Variants in QTMAN observed in about 807,000 individuals in gnomAD.
QTMAN encodes queuosine-tRNA mannosyltransferase, also known as tRNA-queuosine alpha-mannosyltransferase.
chr2:144,121,989 C>T, the QTMAN span, among the ~76,000 whole-genome samples: 9 of 152,018 alleles, frequency 5.9e-5, no homozygotes, highest in African/African-American at 2.2e-4. Flanking sequence ...AAATTATTCC[C>T]TAAAAATATG....
the QTMAN span, among the ~76,000 whole-genome samples, chr2:144,269,529 G>C: frequency 6.6e-6 from 1 of 151,670 alleles, no homozygotes; most frequent in Admixed American, 6.6e-5. Flanking sequence ...ATATCATTTG[G>C]GTCAAGTTTT....
chr2:143,971,298 A>C, the QTMAN span, among the ~76,000 whole-genome samples: 1 of 152,034 alleles, frequency 6.6e-6, no homozygotes, highest in Non-Finnish European at 1.5e-5. Flanking sequence ...CCTCTCACTA[A>C]TCTCTCATTT....
the QTMAN span, among the ~76,000 whole-genome samples, chr2:143,986,098 T>C: frequency 4.6e-5 from 7 of 152,350 alleles, no homozygotes; most frequent in African/African-American, 1.7e-4. Flanking sequence ...TCCTCTTTAC[T>C]TGAGTATCAA....
chr2:144,091,981 T>C, the QTMAN span, among the ~76,000 whole-genome samples: 1 of 152,122 alleles, frequency 6.6e-6, no homozygotes, highest in Non-Finnish European at 1.5e-5. Flanking sequence ...TAAAAAAAAC[T>C]AACTGATAGT....
the QTMAN span, among the ~76,000 whole-genome samples, chr2:143,971,264 G>T: frequency 9.1e-4 from 139 of 152,012 alleles, 1 homozygote; most frequent in Middle Eastern, 0.014. Context: ...CACAAGGAAC[G>T]CACAATTTAG....
the QTMAN span, among the ~76,000 whole-genome samples, chr2:144,308,162 GTTTTTT>G: frequency 3.6e-5 from 4 of 110,836 alleles, no homozygotes; most frequent in South Asian, 3.0e-4. Context: ...ATGATTGGTT[GTTTTTT>G]TTTTTTTTTT....
the QTMAN span, among the ~76,000 whole-genome samples, chr2:143,995,273 T>G: frequency 6.6e-6 from 1 of 152,192 alleles, no homozygotes; most frequent in Admixed American, 6.5e-5. Context: ...TTGGGTAGGC[T>G]GAAAATGAAG....
chr2:144,278,803 T>G, the QTMAN span, among the ~76,000 whole-genome samples: 1 of 152,152 alleles, frequency 6.6e-6, no homozygotes, highest in East Asian at 1.9e-4. Context: ...TAATATAGTA[T>G]GCCCTGTAGA....
the QTMAN span, among the ~76,000 whole-genome samples, chr2:144,115,232 A>AAAC: frequency 0.011 from 1,659 of 151,122 alleles, 27 homozygotes; most frequent in East Asian, 0.073. Context: ...CCCTGTCTAA[A>AAAC]AACAACAACA....
the QTMAN span, chr2:143,952,139 A>G: frequency 4.5e-6 from 4 of 895,790 alleles, no homozygotes; most frequent in African/African-American, 3.3e-5. Flanking sequence ...GATATTAGTC[A>G]CTTTACTAAT....
chr2:143,995,109 C>T, the QTMAN span, among the ~76,000 whole-genome samples: 1 of 152,014 alleles, frequency 6.6e-6, no homozygotes, highest in African/African-American at 2.4e-5. Context: ...AAAAAAATTC[C>T]ATCCAGGTTT....
At chr2:144,218,349 C>T in the QTMAN span, among the ~76,000 whole-genome samples, 1 of 152,126 alleles carries the variant, frequency 6.6e-6, no homozygotes, top group African/African-American at 2.4e-5. Flanking sequence ...AGCATCTTCC[C>T]CAACCTGACT....
chr2:144,317,435 G>GGA, the QTMAN span: 1 of 66,054 alleles, frequency 1.5e-5, no homozygotes, highest in Non-Finnish European at 3.5e-5. Context: ...GGAAGGAAGG[G>GGA]ACAATAAAAT....
the QTMAN span, among the ~76,000 whole-genome samples, chr2:144,159,195 TAA>T: frequency 6.6e-6 from 1 of 152,090 alleles, no homozygotes; most frequent in Non-Finnish European, 1.5e-5. Flanking sequence ...ACTTGTTCTA[TAA>T]AATTTTAGTT....
At chr2:144,169,718 T>A in the QTMAN span, among the ~76,000 whole-genome samples, 99 of 152,220 alleles carry the variant, frequency 6.5e-4, no homozygotes, top group African/African-American at 2.2e-3. Flanking sequence ...AAAAAATAGA[T>A]CTTTGATTGC....
chr2:144,208,843 A>G, the QTMAN span: 1 of 1,170,932 alleles, frequency 8.5e-7, no homozygotes, highest in Non-Finnish European at 1.2e-6. Flanking sequence ...TTTCCATTAC[A>G]TACATGTATA....
the QTMAN span, among the ~76,000 whole-genome samples, chr2:144,052,032 T>G: frequency 6.6e-6 from 1 of 152,232 alleles, no homozygotes; most frequent in Admixed American, 6.5e-5. Flanking sequence ...TTATTGCCTG[T>G]GTTCTTACTG....
the QTMAN span, among the ~76,000 whole-genome samples, chr2:143,963,078 C>T: frequency 6.6e-6 from 1 of 152,100 alleles, no homozygotes; most frequent in African/African-American, 2.4e-5. Context: ...ATTATCACCT[C>T]TTTTGTTTAT....
the QTMAN span, among the ~76,000 whole-genome samples, chr2:144,055,560 G>A: frequency 2.0e-5 from 3 of 152,006 alleles, no homozygotes; most frequent in African/African-American, 4.8e-5. Flanking sequence ...GAAGGTAATC[G>A]CGTGGTGCAA....
Sources: gnomAD v4.1 joint callset for allele counts (sites outside exome capture counted in the v4.1 genomes callset) on GRCh38, gnomAD v4.1.1 for gene constraint, MANE v1.5 for transcripts, NCBI Gene and HGNC (gene_info 2026-07-23, HGNC 2026-07-21) for gene names.